CDH13: variants seen among roughly 807,000 people sequenced by gnomAD.
CDH13 encodes the protein cadherin-13.
CDH13 carries 24 observed loss-of-function variants against 63.8 expected under a neutral mutation model. The observed-to-expected ratio is 0.38, with a 90% CI of 0.27 to 0.53. The LOEUF is 0.53. Among genes scored for constraint, CDH13 ranks in the 20% least tolerant of loss-of-function variants. The pLI, the probability that CDH13 is intolerant of heterozygous loss-of-function variation, is 0.85. For missense variants in CDH13, 1,049 were observed against 903.1 expected (o/e 1.16, Z -2.07); for synonymous variants, 503 against 355.3 (o/e 1.42, Z -4.67).
At chr16:83,433,944 G>A (rs1489305147) in intron 6 of CDH13, among the ~76,000 whole-genome samples, 1 of 151,936 alleles carries the variant, frequency 6.6e-6, no homozygotes, top group Non-Finnish European at 1.5e-5. Context: ...CTTTGCGTTG[G>A]GGGGGAATCA....
intron 5 of CDH13, among the ~76,000 whole-genome samples, chr16:83,306,894 C>A (rs1218001732): frequency 6.6e-6 from 1 of 152,112 alleles, no homozygotes; most frequent in South Asian, 2.1e-4. Flanking sequence ...ACGAAATGGG[C>A]TAAGACAATC....
intron 8 of CDH13, among the ~76,000 whole-genome samples, chr16:83,623,000 G>C (rs1909953143): frequency 1.3e-5 from 2 of 152,186 alleles, no homozygotes; most frequent in South Asian, 4.1e-4. Context: ...AGAGTGCTTT[G>C]GGAACATGAC....
chr16:82,837,600 A>G (rs2038822939), intron 1 of CDH13, among the ~76,000 whole-genome samples: 3 of 152,188 alleles, frequency 2.0e-5, no homozygotes, highest in Admixed American at 1.3e-4. Flanking sequence ...GATTTCCACA[A>G]TCCCCTCCCA....
chr16:82,786,796 T>C (rs2036038282), intron 1 of CDH13, among the ~76,000 whole-genome samples: 1 of 152,012 alleles, frequency 6.6e-6, no homozygotes, highest in South Asian at 2.1e-4. Context: ...AGAATGATGG[T>C]TTCCAGCTTC....
At chr16:83,748,680 G>A (rs1308853631) in intron 11 of CDH13, among the ~76,000 whole-genome samples, 1 of 152,166 alleles carries the variant, frequency 6.6e-6, no homozygotes, top group African/African-American at 2.4e-5. Context: ...ACGCTGCCAA[G>A]GAAAGGCATC....
intron 2 of CDH13, among the ~76,000 whole-genome samples, chr16:82,895,193 C>T (rs2041210971): frequency 1.3e-5 from 2 of 152,200 alleles, no homozygotes; most frequent in African/African-American, 4.8e-5. Flanking sequence ...ACTCATTAAG[C>T]AGCCGTTCTG....
chr16:82,793,457 A>C (rs527668624), intron 1 of CDH13, among the ~76,000 whole-genome samples: 19 of 151,658 alleles, frequency 1.3e-4, no homozygotes, highest in Non-Finnish European at 2.4e-4. Context: ...AGGTGAAAAA[A>C]TACCCTGTGG....
At chr16:83,384,754 T>A (rs1246920543) in intron 6 of CDH13, among the ~76,000 whole-genome samples, 1 of 152,230 alleles carries the variant, frequency 6.6e-6, no homozygotes, top group African/African-American at 2.4e-5. Flanking sequence ...TAATGATGAA[T>A]CTTTCCTGTC....
chr16:83,146,647 C>A (rs1042075646), intron 4 of CDH13, among the ~76,000 whole-genome samples: 1 of 152,242 alleles, frequency 6.6e-6, no homozygotes, highest in African/African-American at 2.4e-5. Context: ...ATTCAACAGG[C>A]ATCCCTAACT....
chr16:83,357,010 C>T (rs981439932), intron 6 of CDH13, among the ~76,000 whole-genome samples: 1 of 152,130 alleles, frequency 6.6e-6, no homozygotes, highest in African/African-American at 2.4e-5. Context: ...CCATCTTTAT[C>T]TCCTATGATA....
At chr16:83,140,251 A>T (rs754640133) in intron 4 of CDH13, among the ~76,000 whole-genome samples, 2 of 152,082 alleles carry the variant, frequency 1.3e-5, no homozygotes, top group Non-Finnish European at 2.9e-5. Context: ...ACTTCTAATC[A>T]TACCTATTCC....
At chr16:83,694,667 G>T (rs1302057043) in intron 10 of CDH13, among the ~76,000 whole-genome samples, 1 of 152,170 alleles carries the variant, frequency 6.6e-6, no homozygotes, top group Non-Finnish European at 1.5e-5. Flanking sequence ...CAGCAACCAG[G>T]TAAATCTCTG....
At chr16:83,400,887 C>G (rs1398481020) in intron 6 of CDH13, among the ~76,000 whole-genome samples, 1 of 152,112 alleles carries the variant, frequency 6.6e-6, no homozygotes, top group Non-Finnish European at 1.5e-5. Context: ...CTGTTAGTAT[C>G]ATTGCTCCTA....
chr16:82,953,805 G>C (rs935167782), intron 2 of CDH13: 1 of 152,122 alleles, frequency 6.6e-6, no homozygotes, highest in African/African-American at 2.4e-5. Flanking sequence ...GCCGAGATCT[G>C]ATAAACAATT....
At chr16:83,063,253 C>T (rs987747267) in intron 3 of CDH13, among the ~76,000 whole-genome samples, 1 of 152,132 alleles carries the variant, frequency 6.6e-6, no homozygotes. Flanking sequence ...TGAGCTATCA[C>T]GCCCAGCCTG....
intron 3 of CDH13, among the ~76,000 whole-genome samples, chr16:83,075,445 G>A (rs2032764203): frequency 1.3e-5 from 2 of 152,146 alleles, no homozygotes; most frequent in South Asian, 2.1e-4. Context: ...TTAACCTTGG[G>A]GTGAAGGACA....
chr16:83,744,813 A>G lies in CDH13; in HGVS notation c.1539-3295A>G, dbSNP rs563494166. Among the ~76,000 whole-genome samples the G allele has an allele frequency of 2.0e-5, 3 of 152,322 alleles. No homozygotes were observed. In the South Asian group the frequency reaches 6.2e-4, roughly 32 times the overall value. On this transcript the variant is annotated intron_variant, in intron 10 of 13. Coordinates refer to ENST00000567109, the MANE Select transcript of CDH13 (RefSeq NM_001257.5). ...GTCACAGAGGAGGAAGTAGAAACAC[A>G]GAGAAGTAGCTTGCCAGGCTCACTG...
intron 3 of CDH13, among the ~76,000 whole-genome samples, chr16:83,079,901 A>C (rs2033116996): frequency 2.0e-5 from 3 of 152,222 alleles, no homozygotes. Context: ...GCTTATTTCT[A>C]ATTTCAGCCT....
intron 5 of CDH13, among the ~76,000 whole-genome samples, chr16:83,301,416 C>T (rs1046208434): frequency 1.3e-5 from 2 of 152,090 alleles, no homozygotes; most frequent in South Asian, 4.2e-4. Context: ...TCAGGCTGTG[C>T]CGTGCTGGTT....
Sources: gnomAD v4.1 joint callset for allele counts (sites outside exome capture counted in the v4.1 genomes callset) on GRCh38, gnomAD v4.1.1 for gene constraint, MANE v1.5 for transcripts, NCBI Gene and HGNC (gene_info 2026-07-23, HGNC 2026-07-21) for gene names.